The following KIF17 variants were observed in gnomAD, a reference collection of about 807,000 sequenced individuals.
KIF17 encodes the protein kinesin family member 17.
Under a neutral mutation model 96.8 loss-of-function variants are expected in KIF17, and 80 were observed. That is an observed-to-expected ratio of 0.83 (90% CI 0.69 to 1.00). KIF17 has a LOEUF of 1.00. Ranked by LOEUF, KIF17 falls within the 50% of genes least tolerant of loss-of-function variation. The pLI, the probability that KIF17 is intolerant of heterozygous loss-of-function variation, is 0.00. For missense variants in KIF17, 1,280 were observed against 1,372.9 expected (o/e 0.93, Z 1.07); for synonymous variants, 567 against 587.5 (o/e 0.97, Z 0.51).
intron 6 of KIF17, among the ~76,000 whole-genome samples, chr1:20,696,662 G>A (rs2054146470): frequency 6.6e-6 from 1 of 152,100 alleles, no homozygotes; most frequent in Admixed American, 6.5e-5. Flanking sequence ...GGGCTTCCCG[G>A]GAAGGAAGCC....
intron 6 of KIF17, among the ~76,000 whole-genome samples, chr1:20,695,514 C>G (rs921948371): frequency 6.6e-6 from 1 of 152,160 alleles, no homozygotes; most frequent in Non-Finnish European, 1.5e-5. Context: ...AACATGGGAC[C>G]TGAATCTCAG....
chr1:20,703,028 GGAT>G (rs2054264942), intron 5 of KIF17, among the ~76,000 whole-genome samples: 1 of 152,178 alleles, frequency 6.6e-6, no homozygotes, highest in Non-Finnish European at 1.5e-5. Flanking sequence ...ATAAAAGAAT[GGAT>G]GATAGGATGG....
intron 11 of KIF17, among the ~76,000 whole-genome samples, chr1:20,680,000 T>TTGAC (rs1450449233): frequency 2.0e-5 from 3 of 151,964 alleles, no homozygotes; most frequent in Non-Finnish European, 4.4e-5. Context: ...GATTGATTGA[T>TTGAC]TTGAGACAGG....
At chr1:20,675,691 A>G (rs1251421867) in intron 11 of KIF17, among the ~76,000 whole-genome samples, 1 of 152,182 alleles carries the variant, frequency 6.6e-6, no homozygotes, top group African/African-American at 2.4e-5. Flanking sequence ...CAGCTTATCA[A>G]TTTCTGCAAA....
chr1:20,688,208 G>A (rs2053975457), intron 7 of KIF17, among the ~76,000 whole-genome samples: 1 of 151,980 alleles, frequency 6.6e-6, no homozygotes, highest in Non-Finnish European at 1.5e-5. Flanking sequence ...CACCATGCCT[G>A]GCTAATTTTT....
rs33996125 is a variant in KIF17, at chr1:20,709,772, C to T, written c.537G>A (p.Val179=). 0.017 allele frequency: 28,044 copies of T among 1,614,028 alleles called. 278 individuals are homozygous for T. The highest frequency in any genetic ancestry group is 0.021 in the Non-Finnish European group (24,437 of 1,179,988). The change falls in exon 4 of 15, where the codon GTG becomes GTA. Residue 179 remains valine (V), a synonymous_variant. Transcript: ENST00000400463. The surrounding 1 kb of genome is among the most constrained non-coding windows in gnomAD (Gnocchi z 4.7). ...TGTGCTCACACTGGGCCACGCTGTG[C>T]ACCGTGTGCATGGACAGCCCCTTCA... ...VYVKGLSMHT[V]HSVAQCEHIM...
At chr1:20,708,769 GAAGGGTATA>G (rs768973440) in intron 4 of KIF17, among the ~76,000 whole-genome samples, 1 of 152,218 alleles carries the variant, frequency 6.6e-6, no homozygotes, top group Non-Finnish European at 1.5e-5. Context: ...TAAATGGAAT[GAAGGGTATA>G]AAGGGTTTGG....
chr1:20,711,236 C>A (rs1240688582), intron 3 of KIF17, among the ~76,000 whole-genome samples: 1 of 152,168 alleles, frequency 6.6e-6, no homozygotes, highest in Non-Finnish European at 1.5e-5. Context: ...AGGATGAGGT[C>A]GCCATCTCGG....
At chr1:20,664,859 C>A (rs998991204) in intron 14 of KIF17, 97 bp from the exon 15 acceptor site, 1 of 1,116,220 alleles carries the variant, frequency 9.0e-7, no homozygotes, top group African/African-American at 1.5e-5. Flanking sequence ...GCCCACCCCA[C>A]TCCCGCCCCC....
chr1:20,678,415 T>A (rs1044515502), intron 11 of KIF17, among the ~76,000 whole-genome samples: 1 of 151,794 alleles, frequency 6.6e-6, no homozygotes. Flanking sequence ...ACAAAAAAAA[T>A]TTAAAAATAA....
At chr1:20,682,997 A>C in intron 10 of KIF17, 113 bp from the exon 11 acceptor site, 1 of 858,990 alleles carries the variant, frequency 1.2e-6, no homozygotes, top group Non-Finnish European at 1.8e-6. Context: ...CAACAACCCC[A>C]CTTCACAGGG....
intron 4 of KIF17, 107 bp from the exon 5 acceptor site, chr1:20,705,006 C>T (rs2154537277): frequency 1.0e-6 from 1 of 978,592 alleles, no homozygotes; most frequent in East Asian, 2.5e-5. Context: ...CGAGGGTTCC[C>T]CTCAGCTGCA....
chr1:20,679,148 C>T (rs536622782), intron 11 of KIF17, among the ~76,000 whole-genome samples: 5 of 151,944 alleles, frequency 3.3e-5, no homozygotes, highest in African/African-American at 9.6e-5. Flanking sequence ...CCCTTCTCTA[C>T]AAAACAATTA....
intron 11 of KIF17, among the ~76,000 whole-genome samples, chr1:20,677,103 C>T (rs992222342): frequency 2.6e-5 from 4 of 151,508 alleles, no homozygotes; most frequent in East Asian, 2.0e-4. Context: ...CCCAGCTATT[C>T]GGGAGGCTGA....
rs759819527 is a variant in KIF17, at chr1:20,687,488, T to C, written c.1838A>G (p.Gln613Arg). 2 of 1,613,956 alleles carry C rather than the reference T, an allele frequency of 1.2e-6. No individual in the cohort carries two copies. Among genetic ancestry groups the C allele is most frequent in the Non-Finnish European group, 1.7e-6 (2 of 1,179,942 alleles). Residue 613 changes from glutamine (Q) to arginine (R), a missense_variant, in exon 8 of 15, where the codon CAG becomes CGG. By Grantham distance (43) the Gln-to-Arg change is conservative (BLOSUM62 1). Coordinates refer to ENST00000400463, the MANE Select transcript of KIF17 (RefSeq NM_001122819.3). This position sits in a 1 kb window ranked among gnomAD's most constrained non-coding sequence, Gnocchi z 4.4. ...GGCTTCCACCTCGGCAAACGGGTCC[T>C]GCAGGCCTAGTAACCCCTGCAGGGG... The part of the protein sequence containing the change: ...EVPLQGLLGL[Q>R]DPFAEVEAKL...
intron 13 of KIF17, among the ~76,000 whole-genome samples, chr1:20,666,749 G>T (rs1420429019): frequency 1.3e-5 from 2 of 152,206 alleles, no homozygotes; most frequent in African/African-American, 4.8e-5. Flanking sequence ...GTGATCATTA[G>T]AACTGGAATC....
chr1:20,687,464 G>A lies in KIF17; in HGVS notation c.1862C>T (p.Ala621Val). The A allele has an allele frequency of 6.2e-7, 1 of 1,613,962 alleles. No homozygotes were observed. The highest frequency in any genetic ancestry group is 1.7e-5 in the Admixed American group (1 of 60,024). The change falls in exon 8 of 15, where the codon GCC becomes GTC. Residue 621 changes from alanine (A) to valine (V), a missense_variant. Coordinates refer to ENST00000400463, the MANE Select transcript of KIF17 (RefSeq NM_001122819.3). This position sits in a 1 kb window ranked among gnomAD's most constrained non-coding sequence, Gnocchi z 4.4. ...GLQDPFAEVE[A>V]KLARLSSTVA... ...GGTGGAGGAGAGTCTGGCCAGCTTGGCTTCCACCTCGGCAAACGGGTCCTG... is the reference window on the plus strand; with the variant it reads ...GGTGGAGGAGAGTCTGGCCAGCTTGACTTCCACCTCGGCAAACGGGTCCTG...
chr1:20,714,684 C>T (rs1177996161), intron 2 of KIF17, among the ~76,000 whole-genome samples: 1 of 150,854 alleles, frequency 6.6e-6, no homozygotes, highest in Non-Finnish European at 1.5e-5. Context: ...GTAATCCCAG[C>T]TACTCGGGAA....
At chr1:20,671,869 CCTGCCAGT>C in intron 12 of KIF17, 61 bp downstream of exon 12, 1 of 1,575,852 alleles carries the variant, frequency 6.3e-7, no homozygotes, top group African/African-American at 1.3e-5. Flanking sequence ...GCCCACACTC[CCTGCCAGT>C]CTGCAGGATG....
Sources: allele counts gnomAD v4.1 joint callset (sites outside exome capture counted in the v4.1 genomes callset), GRCh38; gene constraint gnomAD v4.1.1; non-coding constraint Gnocchi (gnomAD v3.1); transcripts MANE v1.5; gene names NCBI Gene and HGNC (gene_info 2026-07-23, HGNC 2026-07-21).